Variants in SWT1 observed in about 807,000 individuals in gnomAD.
SWT1 encodes the protein transcriptional protein SWT1.
A neutral mutation model predicts 107.3 loss-of-function variants in SWT1; 33 were observed. That is an observed-to-expected ratio of 0.31 (90% confidence interval 0.23 to 0.41). SWT1 has a LOEUF of 0.41. Among genes scored for constraint, SWT1 ranks in the 10% least tolerant of loss-of-function variants. SWT1 has a pLI of 1.00. For synonymous variants in SWT1, 345 were observed against 348.3 expected (o/e 0.99, Z 0.11); for missense variants, 898 against 1,028.9 (o/e 0.87, Z 1.74).
rs75750221 is a variant in SWT1, at chr1:185,231,472, A to G, written c.2310-105A>G. On this transcript the variant is annotated intron_variant, in intron 15 of 18. Transcript: ENST00000367500. ...AAATAGATCAGCATTCTGAGAGATT[A>G]GTGATAATAAATACTACTTTACTTT... 1,038 of 803,240 alleles carry G rather than the reference A, an allele frequency of 1.3e-3. 7 individuals carry two copies. The African/African-American group carries it at 0.016, about 12-fold the overall frequency. 49.8% of individuals were successfully genotyped at this position (803,240 alleles called of 1,614,324 possible).
chr1:185,232,254 A>C (rs764061646), intron 16 of SWT1, among the ~76,000 whole-genome samples: 3 of 152,196 alleles, frequency 2.0e-5, no homozygotes, highest in Non-Finnish European at 4.4e-5. Context: ...TCTAAATGCA[A>C]ATAGTCCCTT....
rs573428620 is a variant in SWT1, at chr1:185,173,910, G to A, written c.225-462G>A. On this transcript the variant is annotated intron_variant, in intron 4 of 18. Coordinates refer to ENST00000367500, the MANE Select transcript of SWT1 (RefSeq NM_017673.7). ...GGCATGCTCCTGTAGTCCCAGTTAC[G>A]TGGTAGTCTGGGAGGTAGAAGGATT... Among the ~76,000 whole-genome samples, 113 of 152,148 alleles carry A rather than the reference G, an allele frequency of 7.4e-4. 1 individual carries two copies. The highest frequency in any genetic ancestry group is 1.3e-3 in the Non-Finnish European group (87 of 68,012).
At chr1:185,201,201 A>C (rs2102447904) in intron 10 of SWT1, among the ~76,000 whole-genome samples, 1 of 152,180 alleles carries the variant, frequency 6.6e-6, no homozygotes, top group African/African-American at 2.4e-5. Flanking sequence ...TGAGGCTGAG[A>C]TCCACGGAGC....
chr1:185,274,061 G>C (rs890303073), intron 17 of SWT1, among the ~76,000 whole-genome samples: 4 of 151,806 alleles, frequency 2.6e-5, no homozygotes, highest in African/African-American at 9.7e-5. Flanking sequence ...GAAAATTCTG[G>C]GGCATAGTTC....
chr1:185,198,938 ATTT>A (rs58426812), intron 10 of SWT1, among the ~76,000 whole-genome samples: 3 of 129,884 alleles, frequency 2.3e-5, no homozygotes, highest in Non-Finnish European at 3.3e-5. Flanking sequence ...GCTCGTTTAC[ATTT>A]TTTTTTTTTT....
chr1:185,179,194 G>A (rs1003767529), intron 5 of SWT1, among the ~76,000 whole-genome samples: 3 of 152,058 alleles, frequency 2.0e-5, no homozygotes, highest in Non-Finnish European at 4.4e-5. Context: ...GCTTGAACCC[G>A]GGAGGTGGAG....
intron 7 of SWT1, among the ~76,000 whole-genome samples, chr1:185,182,761 AT>A (rs551577508): frequency 5.3e-5 from 8 of 150,624 alleles, no homozygotes; most frequent in Middle Eastern, 3.4e-3. Context: ...AATTTTGATC[AT>A]TTTTTTTGCT....
intron 13 of SWT1, among the ~76,000 whole-genome samples, chr1:185,213,101 A>T (rs749142461): frequency 2.6e-5 from 4 of 152,120 alleles, no homozygotes; most frequent in African/African-American, 9.7e-5. Context: ...TACTGGATTT[A>T]TTATTGTTAT....
chr1:185,167,420 A>G (rs1654675967), intron 3 of SWT1, among the ~76,000 whole-genome samples: 1 of 152,244 alleles, frequency 6.6e-6, no homozygotes, highest in East Asian at 1.9e-4. Context: ...GAAGTTATGT[A>G]CATATCCAGG....
rs192244474 is a variant in SWT1 at position 185,171,472 on chromosome 1, T to A, written c.225-2900T>A. ...TCAAATATTTCTTATTTCAAATACC[T>A]TTTGGGAAGAGGCATCTCGGAAGTC... On this transcript the variant is annotated intron_variant, in intron 4 of 18. Coordinates refer to ENST00000367500, the MANE Select transcript of SWT1 (RefSeq NM_017673.7). 196 of 293,716 alleles carry A rather than the reference T, an allele frequency of 6.7e-4. 1 individual carries two copies. The highest frequency in any genetic ancestry group is 7.9e-4 in the Non-Finnish European group (119 of 149,842). The allele number at this position is 293,716 out of a possible 1,614,324, so 18.2% of individuals were successfully genotyped here. A position where few individuals can be genotyped will look rare whatever the true frequency, so the allele number is the denominator to read the frequency against.
chr1:185,290,538 T>C, intron 18 of SWT1, 136 bp from the exon 19 acceptor site: 1 of 460,090 alleles, frequency 2.2e-6, no homozygotes, highest in South Asian at 7.5e-5. Flanking sequence ...AATATATACC[T>C]AGTTCAGAAT....
chr1:185,205,841 G>A (rs1303419552), intron 12 of SWT1, among the ~76,000 whole-genome samples: 5 of 152,198 alleles, frequency 3.3e-5, no homozygotes, highest in Non-Finnish European at 7.3e-5. Context: ...GTAGAGATAA[G>A]GAAAGTAATT....
intron 16 of SWT1, among the ~76,000 whole-genome samples, chr1:185,256,306 TC>T (rs1187200434): frequency 6.7e-6 from 1 of 150,342 alleles, no homozygotes; most frequent in African/African-American, 2.4e-5. Context: ...TCTCTGTATT[TC>T]CTGAATCTGA....
intron 4 of SWT1, among the ~76,000 whole-genome samples, chr1:185,168,723 G>GA (rs1487611947): frequency 1.3e-5 from 2 of 152,160 alleles, no homozygotes; most frequent in African/African-American, 4.8e-5. Flanking sequence ...GGCTAATTTA[G>GA]AGATTTTGGA....
chr1:185,202,243 C>T (rs566609336), intron 10 of SWT1, among the ~76,000 whole-genome samples: 1 of 152,216 alleles, frequency 6.6e-6, no homozygotes, highest in Admixed American at 6.5e-5. Context: ...TAAATTTGTA[C>T]TTGTCTGCCT....
chr1:185,234,475 C>T (rs1380461332), intron 16 of SWT1, among the ~76,000 whole-genome samples: 1 of 152,150 alleles, frequency 6.6e-6, no homozygotes, highest in African/African-American at 2.4e-5. Flanking sequence ...AAATATTCCT[C>T]CATCCCTTTA....
intron 16 of SWT1, among the ~76,000 whole-genome samples, chr1:185,245,000 G>GC (rs1231684946): frequency 1.3e-5 from 2 of 152,024 alleles, no homozygotes; most frequent in Admixed American, 6.6e-5. Flanking sequence ...GATTGCTTGA[G>GC]CCCCCCACGA....
chr1:185,211,022 G>GCTCA (rs759905325), intron 13 of SWT1, among the ~76,000 whole-genome samples: 5 of 151,894 alleles, frequency 3.3e-5, no homozygotes, highest in Non-Finnish European at 5.9e-5. Flanking sequence ...ACTACAAACC[G>GCTCA]CTGCTCAAGG....
rs545671283 is a variant in SWT1, at chr1:185,288,631, AG to A, written c.2574-2041del. ...TATGGCAGAGCTATCTCAGAAGCCA[AG>A]GAAGTAATGACAGTGTAACTGTTAA... On this transcript the variant is annotated intron_variant, in intron 18 of 18. Coordinates refer to ENST00000367500, the MANE Select transcript of SWT1 (RefSeq NM_017673.7). Among the ~76,000 whole-genome samples the A allele has an allele frequency of 5.9e-5, 9 of 152,248 alleles. 1 individual carries two copies. The South Asian group carries it at 1.9e-3, about 32-fold the overall frequency.
Sources: allele counts gnomAD v4.1 joint callset (sites outside exome capture counted in the v4.1 genomes callset), GRCh38; gene constraint gnomAD v4.1.1; transcripts MANE v1.5; gene names NCBI Gene and HGNC (gene_info 2026-07-23, HGNC 2026-07-21).